The following NPFFR2 variants were observed in gnomAD, a reference collection of about 807,000 sequenced individuals.
NPFFR2 encodes the protein G-protein coupled receptor 74.
NPFFR2 carries 15 observed loss-of-function variants against 13.1 expected under a neutral mutation model. The observed-to-expected ratio is 1.15, with a 90% CI of 0.77 to 1.76. The LOEUF (loss-of-function observed/expected upper bound fraction) is 1.76. Among genes scored for constraint, NPFFR2 ranks in the 40% most tolerant of loss-of-function variants. The pLI is 0.00. For missense variants in NPFFR2, 572 were observed against 503.5 expected (o/e 1.14, Z -1.30); for synonymous variants, 190 against 175.7 (o/e 1.08, Z -0.65).
chr4:72,146,926 T>G, intron 3 of NPFFR2, 52 bp from the exon 4 acceptor site: 1 of 1,246,722 alleles, frequency 8.0e-7, no homozygotes, highest in South Asian at 1.4e-5. Context: ...GGTGTATGAC[T>G]TGGTCAGAAG....
At chr4:72,074,946 AG>A (rs1720381816) in intron 1 of NPFFR2, among the ~76,000 whole-genome samples, 1 of 139,744 alleles carries the variant, frequency 7.2e-6, no homozygotes, top group African/African-American at 2.6e-5. Context: ...TATTAATAAA[AG>A]ATTCAATATG....
intron 1 of NPFFR2, among the ~76,000 whole-genome samples, chr4:72,098,700 C>G (rs934725658): frequency 1.3e-5 from 2 of 152,170 alleles, no homozygotes; most frequent in African/African-American, 2.4e-5. Flanking sequence ...ACTCACTCCT[C>G]TCCGAACCAT....
At chr4:72,136,701 CCTT>C (rs1487752548) in intron 2 of NPFFR2, among the ~76,000 whole-genome samples, 2 of 152,276 alleles carry the variant, frequency 1.3e-5, no homozygotes, top group African/African-American at 4.8e-5. Flanking sequence ...TTCGCTTAAT[CCTT>C]CTGCATCACA....
intron 1 of NPFFR2, among the ~76,000 whole-genome samples, chr4:72,043,448 T>G (rs7660331): frequency 0.96 from 146,907 of 152,300 alleles, 71,082 homozygotes; most frequent in East Asian, 1. Flanking sequence ...CTCAAAGTCA[T>G]CCCATGAAGG....
chr4:72,112,563 C>A (rs566206451), intron 1 of NPFFR2, among the ~76,000 whole-genome samples: 13 of 152,102 alleles, frequency 8.5e-5, no homozygotes, highest in African/African-American at 3.1e-4. Flanking sequence ...TCCAAAGTAG[C>A]ACGTGTTTCA....
intron 1 of NPFFR2, among the ~76,000 whole-genome samples, chr4:72,042,556 A>T (rs1719251482): frequency 6.6e-6 from 1 of 152,180 alleles, no homozygotes; most frequent in Non-Finnish European, 1.5e-5. Flanking sequence ...TTTGACCAAA[A>T]TGCTGATAGT....
chr4:72,093,792 A>G (rs879818475), intron 1 of NPFFR2, among the ~76,000 whole-genome samples: 2 of 143,534 alleles, frequency 1.4e-5, no homozygotes, highest in Non-Finnish European at 3.0e-5. Flanking sequence ...TGCCTCTTGG[A>G]TTGGCTTAAT....
chr4:72,061,539 G>A (rs1404574228), intron 1 of NPFFR2, among the ~76,000 whole-genome samples: 1 of 152,122 alleles, frequency 6.6e-6, no homozygotes, highest in African/African-American at 2.4e-5. Flanking sequence ...AGTTGTGACA[G>A]TTTTGAACTG....
At chr4:72,101,056 A>G (rs1721232463) in intron 1 of NPFFR2, among the ~76,000 whole-genome samples, 1 of 152,004 alleles carries the variant, frequency 6.6e-6, no homozygotes. Flanking sequence ...ACTAGATTTC[A>G]CTTTAAAGAA....
At chr4:72,081,218 A>G (rs758351424) in intron 1 of NPFFR2, among the ~76,000 whole-genome samples, 12 of 152,204 alleles carry the variant, frequency 7.9e-5, no homozygotes, top group Non-Finnish European at 1.6e-4. Flanking sequence ...AAATTTTATT[A>G]AAACGATTAT....
intron 1 of NPFFR2, among the ~76,000 whole-genome samples, chr4:72,034,994 A>G (rs1034561196): frequency 4.6e-5 from 7 of 152,252 alleles, no homozygotes; most frequent in Admixed American, 2.0e-4. Context: ...CAGGCAAATC[A>G]TTTAACTTCT....
chr4:72,072,272 G>A (rs59395306), intron 1 of NPFFR2, among the ~76,000 whole-genome samples: 8,008 of 151,996 alleles, frequency 0.053, 767 homozygotes, highest in East Asian at 0.47. Flanking sequence ...CACAGACTTT[G>A]AACAACTGTC....
intron 1 of NPFFR2, among the ~76,000 whole-genome samples, chr4:72,104,242 TG>T (rs1721349415): frequency 6.6e-6 from 1 of 152,052 alleles, no homozygotes; most frequent in African/African-American, 2.4e-5. Flanking sequence ...GCTCTTTGGG[TG>T]CCCCATCAGA....
chr4:72,073,400 C>G (rs1391128474), intron 1 of NPFFR2, among the ~76,000 whole-genome samples: 1 of 151,968 alleles, frequency 6.6e-6, no homozygotes, highest in African/African-American at 2.4e-5. Context: ...ACCACTAGAA[C>G]TGCCCTGCAA....
intron 1 of NPFFR2, among the ~76,000 whole-genome samples, chr4:72,112,630 G>A (rs1288056650): frequency 6.6e-6 from 1 of 151,932 alleles, no homozygotes. Flanking sequence ...AAATAGACAG[G>A]TTGGTGTTGG....
intron 1 of NPFFR2, among the ~76,000 whole-genome samples, chr4:72,100,271 G>A (rs1027519905): frequency 6.6e-6 from 1 of 151,902 alleles, no homozygotes; most frequent in Non-Finnish European, 1.5e-5. Flanking sequence ...CTCAAGAATT[G>A]TAAAAAAAAC....
Position 72,100,004 on chromosome 4 carries a change from G to T in NPFFR2, c.-7-28581G>T, listed in dbSNP as rs114514333. 3.0e-3 allele frequency among the ~76,000 whole-genome samples: 449 copies of T among 152,060 alleles called. 2 individuals are homozygous for T. The highest frequency in any genetic ancestry group is 0.011 in the African/African-American group (440 of 41,488). On this transcript the variant is annotated intron_variant, in intron 1 of 3. Transcript: ENST00000308744. ...TATTTTCATCTCTAAAAATCATTTT[G>T]TACATTAATGTTTAAATTATAGCTT...
At chr4:72,067,255 GCTGAAGTGGCCAGTGAGCA>G (rs1560400438) in intron 1 of NPFFR2, among the ~76,000 whole-genome samples, 1 of 152,130 alleles carries the variant, frequency 6.6e-6, no homozygotes, top group East Asian at 1.9e-4. Context: ...TTTAGCCACC[GCTGAAGTGGCCAGTGAGCA>G]CTGTACCAGA....
At chr4:72,082,455 C>T (rs543111505) in intron 1 of NPFFR2, among the ~76,000 whole-genome samples, 2 of 152,262 alleles carry the variant, frequency 1.3e-5, no homozygotes, top group East Asian at 3.9e-4. Flanking sequence ...AATTCAATGA[C>T]TACTCTTTGG....
Sources: allele counts gnomAD v4.1 joint callset (sites outside exome capture counted in the v4.1 genomes callset), GRCh38; gene constraint gnomAD v4.1.1; transcripts MANE v1.5; gene names NCBI Gene and HGNC (gene_info 2026-07-23, HGNC 2026-07-21).